The following PLCL1 variants were observed in gnomAD, a reference collection of about 807,000 sequenced individuals.
PLCL1 encodes the protein inactive phospholipase C-like protein 1.
In PLCL1, 41 loss-of-function variants were observed where a neutral mutation model predicts 84.4. That is an observed-to-expected ratio of 0.49 (90% CI 0.38 to 0.63). The LOEUF (loss-of-function observed/expected upper bound fraction) is 0.63. PLCL1 is among the 30% of genes least tolerant of loss of function. The pLI is 0.00. For missense variants in PLCL1, 1,206 were observed against 1,367.8 expected (o/e 0.88, Z 1.87); for synonymous variants, 490 against 488.3 (o/e 1.00, Z -0.05).
intron 1 of PLCL1, among the ~76,000 whole-genome samples, chr2:198,018,451 C>CA (rs1215536140): frequency 2.0e-5 from 3 of 152,178 alleles, no homozygotes; most frequent in African/African-American, 7.2e-5. Flanking sequence ...GATCCCACCC[C>CA]ATGGAACCCA....
rs1688433136 is a variant in PLCL1 at position 197,908,888 on chromosome 2, T to C, written c.240+103549T>C. On this transcript the variant is annotated intron_variant, in intron 1 of 5. Transcript: ENST00000428675. ...TATTTTGTTGAATAAAATATTCTTATAATTGATTTAAGAATTAGCTCAACA... is the reference window on the plus strand; with the variant it reads ...TATTTTGTTGAATAAAATATTCTTACAATTGATTTAAGAATTAGCTCAACA... Among the ~76,000 whole-genome samples the C allele has an allele frequency of 3.3e-5, 5 of 152,378 alleles. No homozygotes were observed. In the South Asian group the frequency reaches 1.0e-3, roughly 32 times the overall value.
intron 1 of PLCL1, among the ~76,000 whole-genome samples, chr2:198,075,816 A>G (rs1414015419): frequency 6.6e-6 from 1 of 152,244 alleles, no homozygotes; most frequent in Non-Finnish European, 1.5e-5. Flanking sequence ...ACAAACATTC[A>G]TACATTAAAA....
chr2:198,129,854 C>T (rs1221266036), intron 5 of PLCL1, among the ~76,000 whole-genome samples: 1 of 149,902 alleles, frequency 6.7e-6, no homozygotes, highest in Non-Finnish European at 1.5e-5. Context: ...AATCTTTCTT[C>T]TTCCCCGACA....
chr2:198,060,843 C>A (rs901611004), intron 1 of PLCL1, among the ~76,000 whole-genome samples: 4 of 152,060 alleles, frequency 2.6e-5, no homozygotes, highest in African/African-American at 4.8e-5. Context: ...ATGCCACCTT[C>A]CTTTAAAGTA....
At chr2:197,885,701 C>A (rs552395050) in intron 1 of PLCL1, among the ~76,000 whole-genome samples, 1 of 152,330 alleles carries the variant, frequency 6.6e-6, no homozygotes, top group Admixed American at 6.5e-5. Flanking sequence ...GACCATCTTT[C>A]TAACTTCATG....
chr2:197,918,626 A>G (rs11892165), intron 1 of PLCL1, among the ~76,000 whole-genome samples: 3 of 152,158 alleles, frequency 2.0e-5, no homozygotes, highest in African/African-American at 7.2e-5. Context: ...AAGATTTTTA[A>G]CAAGGGTAAA....
At chr2:197,921,752 A>G (rs997595200) in intron 1 of PLCL1, among the ~76,000 whole-genome samples, 1 of 152,184 alleles carries the variant, frequency 6.6e-6, no homozygotes, top group African/African-American at 2.4e-5. Flanking sequence ...CAGAAACTGC[A>G]TATCTTTTCT....
intron 1 of PLCL1, among the ~76,000 whole-genome samples, chr2:197,975,009 C>T (rs1367762373): frequency 2.0e-5 from 3 of 151,450 alleles, no homozygotes; most frequent in African/African-American, 4.9e-5. Context: ...GGCGCGGTGG[C>T]GGGCACCTGT....
At chr2:197,945,178 T>A (rs977658395) in intron 1 of PLCL1, among the ~76,000 whole-genome samples, 1 of 152,216 alleles carries the variant, frequency 6.6e-6, no homozygotes, top group Non-Finnish European at 1.5e-5. Flanking sequence ...AGCTTTGTAA[T>A]ATACACATTT....
At chr2:197,828,998 T>G (rs1336965326) in intron 1 of PLCL1, among the ~76,000 whole-genome samples, 1 of 152,070 alleles carries the variant, frequency 6.6e-6, no homozygotes, top group Non-Finnish European at 1.5e-5. Flanking sequence ...TAATGAAAAA[T>G]AGTAAGTATA....
At chr2:197,899,556 A>C (rs532109160) in intron 1 of PLCL1, among the ~76,000 whole-genome samples, 1 of 152,044 alleles carries the variant, frequency 6.6e-6, no homozygotes, top group South Asian at 2.1e-4. Flanking sequence ...TGGGCTATAG[A>C]GTTTTCTAAC....
chr2:197,912,259 A>G (rs952111126), intron 1 of PLCL1, among the ~76,000 whole-genome samples: 2 of 152,032 alleles, frequency 1.3e-5, no homozygotes, highest in African/African-American at 4.8e-5. Flanking sequence ...ATCTCACACC[A>G]GTTAGAATGG....
chr2:197,985,078 C>T (rs1288777115), intron 1 of PLCL1, among the ~76,000 whole-genome samples: 1 of 151,972 alleles, frequency 6.6e-6, no homozygotes, highest in East Asian at 1.9e-4. Context: ...TTTTTTGAGG[C>T]ATTTAGAAAT....
Position 198,148,264 on chromosome 2 carries a change from T to G in PLCL1, c.*1302T>G, listed in dbSNP as rs952814570. The G allele has an allele frequency of 2.0e-5, 3 of 152,366 alleles. No homozygotes were observed. Among genetic ancestry groups the G allele is most frequent in the African/African-American group, 7.2e-5 (3 of 41,460 alleles). 9.4% of individuals were successfully genotyped at this position (152,366 alleles called of 1,614,324 possible). A position where few individuals can be genotyped will look rare whatever the true frequency, so the allele number is the denominator to read the frequency against. ...TAATTAATTTGATTAACAAATATGC[T>G]AATTTGGGGAAACCTAGAGAAGATA... On this transcript the variant is annotated 3_prime_UTR_variant, in exon 6 of 6. Coordinates refer to ENST00000428675, the MANE Select transcript of PLCL1 (RefSeq NM_006226.4).
intron 1 of PLCL1, among the ~76,000 whole-genome samples, chr2:197,845,161 C>CA (rs912519223): frequency 3.3e-5 from 5 of 151,776 alleles, no homozygotes; most frequent in South Asian, 2.1e-4. Context: ...AAGATGAAGG[C>CA]AAAAAAATGA....
At chr2:197,934,353 G>A (rs1689008622) in intron 1 of PLCL1, among the ~76,000 whole-genome samples, 1 of 152,196 alleles carries the variant, frequency 6.6e-6, no homozygotes, top group African/African-American at 2.4e-5. Context: ...TGAGTTCATG[G>A]AAGTTTGTAA....
intron 1 of PLCL1, among the ~76,000 whole-genome samples, chr2:197,824,871 C>T (rs1690896161): frequency 6.6e-6 from 1 of 152,068 alleles, no homozygotes. Context: ...TCTGTAAAGG[C>T]AGGGGCCTTA....
At chr2:197,990,152 T>G (rs1690311381) in intron 1 of PLCL1, among the ~76,000 whole-genome samples, 1 of 152,140 alleles carries the variant, frequency 6.6e-6, no homozygotes, top group Admixed American at 6.5e-5. Flanking sequence ...GAAGACACAT[T>G]AGACCTAAAC....
intron 1 of PLCL1, among the ~76,000 whole-genome samples, chr2:198,044,412 GTTAC>G (rs981618131): frequency 6.6e-6 from 1 of 152,134 alleles, no homozygotes; most frequent in African/African-American, 2.4e-5. Context: ...CCTAACTGGT[GTTAC>G]TTCCACACTG....
Sources: allele counts gnomAD v4.1 joint callset (sites outside exome capture counted in the v4.1 genomes callset), GRCh38; gene constraint gnomAD v4.1.1; transcripts MANE v1.5; gene names NCBI Gene and HGNC (gene_info 2026-07-23, HGNC 2026-07-21).